Variants in KAZN observed in about 807,000 individuals in gnomAD.
The protein encoded by KAZN is kazrin.
KAZN carries 40 observed loss-of-function variants against 87.4 expected under a neutral mutation model. The observed-to-expected ratio is 0.46, with a 90% confidence interval of 0.36 to 0.60. The LOEUF (loss-of-function observed/expected upper bound fraction) is 0.60. KAZN is among the 20% of genes least tolerant of loss of function. KAZN has a pLI of 0.00. For missense variants in KAZN, 898 were observed against 1,073.9 expected (o/e 0.84, Z 2.29); for synonymous variants, 466 against 458.3 (o/e 1.02, Z -0.22).
chr1:14,726,735 G>A (rs1282824298), intron 1 of KAZN, among the ~76,000 whole-genome samples: 5 of 152,132 alleles, frequency 3.3e-5, no homozygotes, highest in Non-Finnish European at 7.4e-5. Context: ...TCCCCAGACC[G>A]GCAACATCTG....
chr1:13,924,634 A>G (rs1277788185), intron 1 of KAZN, among the ~76,000 whole-genome samples: 1 of 152,222 alleles, frequency 6.6e-6, no homozygotes, highest in Non-Finnish European at 1.5e-5. Flanking sequence ...GAAACTCAAA[A>G]GAATACAACC....
chr1:13,909,807 T>A (rs1639584585), intron 1 of KAZN, among the ~76,000 whole-genome samples: 1 of 152,048 alleles, frequency 6.6e-6, no homozygotes, highest in East Asian at 1.9e-4. Context: ...GAGAATAAGG[T>A]GGGTAATCTG....
intron 1 of KAZN, among the ~76,000 whole-genome samples, chr1:14,163,418 A>G (rs1645753628): frequency 6.6e-6 from 1 of 152,116 alleles, no homozygotes; most frequent in Admixed American, 6.5e-5. Context: ...GTGGCCTGCC[A>G]GCACTTGGGA....
At chr1:14,827,382 C>G (rs561719109) in intron 1 of KAZN, among the ~76,000 whole-genome samples, 5 of 152,182 alleles carry the variant, frequency 3.3e-5, no homozygotes, top group African/African-American at 1.2e-4. Context: ...CTGAACCCAA[C>G]GTGTAGCCTT....
intron 2 of KAZN, among the ~76,000 whole-genome samples, chr1:14,417,475 C>A (rs1304451801): frequency 6.6e-6 from 1 of 152,122 alleles, no homozygotes; most frequent in Admixed American, 6.5e-5. Context: ...TTCAGCTGCT[C>A]AGTCTACAAT....
Position 14,996,189 on chromosome 1 carries a change from G to C in KAZN, c.418+35314G>C, listed in dbSNP as rs1373648934. ...TCTGGGTCTTGGCTCTTCATGCCCC[G>C]CCCACTCCACCCCCAGTGCCTGGCA... On this transcript the variant is annotated intron_variant, in intron 2 of 14. Coordinates refer to ENST00000376030, the MANE Select transcript of KAZN (RefSeq NM_201628.3). The surrounding 1 kb of genome is among the most constrained non-coding windows in gnomAD (Gnocchi z 5.9). Among the ~76,000 whole-genome samples the C allele has an allele frequency of 6.6e-6, 1 of 151,964 alleles. No homozygotes were observed. Among genetic ancestry groups the C allele is most frequent in the African/African-American group, 2.4e-5 (1 of 41,362 alleles).
chr1:14,548,584 G>A (rs577332340), intron 2 of KAZN, among the ~76,000 whole-genome samples: 3 of 152,208 alleles, frequency 2.0e-5, no homozygotes, highest in Non-Finnish European at 4.4e-5. Context: ...GAATATATAA[G>A]CAGAATAATA....
At chr1:14,025,627 A>T (rs1641035519) in intron 1 of KAZN, among the ~76,000 whole-genome samples, 1 of 152,192 alleles carries the variant, frequency 6.6e-6, no homozygotes, top group South Asian at 2.1e-4. Flanking sequence ...GCCATGATGG[A>T]TATACGTTAT....
intron 2 of KAZN, among the ~76,000 whole-genome samples, chr1:14,976,097 G>A (rs912964993): frequency 6.7e-6 from 1 of 150,296 alleles, no homozygotes; most frequent in Admixed American, 6.6e-5. Flanking sequence ...CGGTGAGCCC[G>A]CACACTGCAC....
At chr1:14,022,485 C>CAAAAAAAAAAAAAAAAAAAAGAAAA (rs1640877274) in intron 1 of KAZN, among the ~76,000 whole-genome samples, 1 of 110,480 alleles carries the variant, frequency 9.1e-6, no homozygotes, top group African/African-American at 3.3e-5. Flanking sequence ...GTATTTAAAG[C>CAAAAAAAAAAAAAAAAAAAAGAAAA]AAAAAAAAAA....
intron 1 of KAZN, among the ~76,000 whole-genome samples, chr1:13,996,147 T>C (rs1226954226): frequency 6.6e-6 from 1 of 152,132 alleles, no homozygotes; most frequent in African/African-American, 2.4e-5. Flanking sequence ...AGGGAGGCAG[T>C]GAGTGAGCGT....
intron 8 of KAZN, among the ~76,000 whole-genome samples, chr1:15,090,720 G>T (rs1348710893): frequency 6.6e-6 from 1 of 152,244 alleles, no homozygotes; most frequent in Non-Finnish European, 1.5e-5. Context: ...TGATAATGTT[G>T]GCAGTGACCT....
chr1:14,416,040 G>C (rs1413021758), intron 2 of KAZN, among the ~76,000 whole-genome samples: 2 of 152,264 alleles, frequency 1.3e-5, no homozygotes, highest in African/African-American at 2.4e-5. Flanking sequence ...GCAAAAATGG[G>C]CTGCTGAAGA....
At chr1:15,009,462 A>G (rs1423510496) in intron 2 of KAZN, among the ~76,000 whole-genome samples, 2 of 152,224 alleles carry the variant, frequency 1.3e-5, no homozygotes, top group Non-Finnish European at 2.9e-5. Context: ...GCACCTTTGC[A>G]CACATGGCAC....
At chr1:14,358,372 C>T (rs1286825991) in intron 2 of KAZN, among the ~76,000 whole-genome samples, 1 of 151,264 alleles carries the variant, frequency 6.6e-6, no homozygotes, top group East Asian at 1.9e-4. Flanking sequence ...AAAAAAAAAC[C>T]AGCTCAGGGA....
intron 1 of KAZN, among the ~76,000 whole-genome samples, chr1:14,178,299 G>A (rs2100299390): frequency 6.6e-6 from 1 of 152,146 alleles, no homozygotes; most frequent in East Asian, 1.9e-4. Flanking sequence ...TACAATTTTA[G>A]TTCTTCAACT....
intron 2 of KAZN, among the ~76,000 whole-genome samples, chr1:14,265,534 C>T (rs1651408892): frequency 6.6e-6 from 1 of 152,220 alleles, no homozygotes; most frequent in African/African-American, 2.4e-5. Context: ...CAAGTGACCA[C>T]AAGTGTCATC....
At chr1:15,010,511 C>T (rs1001751707) in intron 2 of KAZN, among the ~76,000 whole-genome samples, 3 of 151,826 alleles carry the variant, frequency 2.0e-5, no homozygotes, top group Non-Finnish European at 4.4e-5. Flanking sequence ...CTGCCTCAGC[C>T]TCCCCAGTAG....
At chr1:14,329,768 T>C (rs1656711800) in intron 2 of KAZN, among the ~76,000 whole-genome samples, 3 of 152,164 alleles carry the variant, frequency 2.0e-5, no homozygotes, top group South Asian at 4.1e-4. Context: ...CAAAGGATCA[T>C]TGGAAGGAAA....
Sources: gnomAD v4.1 joint callset for allele counts (sites outside exome capture counted in the v4.1 genomes callset) on GRCh38, gnomAD v4.1.1 for gene constraint, Gnocchi (gnomAD v3.1) non-coding constraint, MANE v1.5 for transcripts, NCBI Gene and HGNC (gene_info 2026-07-23, HGNC 2026-07-21) for gene names.